The following IDO2 variants were observed in gnomAD, a reference collection of about 807,000 sequenced individuals.
IDO2 encodes indoleamine 2,3-dioxygenase-like 1 protein.
A neutral mutation model predicts 45.1 loss-of-function variants in IDO2; 46 were observed. That is an observed-to-expected ratio of 1.02 (90% CI 0.80 to 1.30). The LOEUF (loss-of-function observed/expected upper bound fraction) is 1.30. Among genes scored for constraint, IDO2 ranks in the 50% most tolerant of loss-of-function variants. The probability of loss-of-function intolerance (pLI) is 0.00; values close to 1 mark genes in which losing one functional copy is unlikely to be tolerated. For missense variants in IDO2, 544 were observed against 491.8 expected, an observed-to-expected ratio of 1.11 and a Z score of -1.00; for synonymous variants, 218 against 184.9, an observed-to-expected ratio of 1.18 and a Z score of -1.45.
At chr8:39,976,716 T>C (rs1309104995) in intron 3 of IDO2, among the ~76,000 whole-genome samples, 1 of 152,220 alleles carries the variant, frequency 6.6e-6, no homozygotes, top group Non-Finnish European at 1.5e-5. Flanking sequence ...AATCACATAT[T>C]TGGCCCTCCC....
intron 1 of IDO2, among the ~76,000 whole-genome samples, chr8:39,936,482 C>A (rs1207135026): frequency 6.6e-6 from 1 of 152,054 alleles, no homozygotes; most frequent in Admixed American, 6.6e-5. Context: ...AATCTAGTTT[C>A]TCAGAAAAAG....
intron 6 of IDO2, 177 bp downstream of exon 6, chr8:39,985,699 A>C: frequency 1.6e-6 from 1 of 609,040 alleles, no homozygotes; most frequent in Non-Finnish European, 2.9e-6. Context: ...AAAATTTAAC[A>C]GTGATTGCCT....
intron 2 of IDO2, among the ~76,000 whole-genome samples, chr8:39,960,241 C>A (rs1338638949): frequency 6.6e-6 from 1 of 152,138 alleles, no homozygotes; most frequent in Admixed American, 6.6e-5. Context: ...CACACCCACC[C>A]CTATCTCAAC....
At chr8:39,964,191 C>G (rs1808045975) in intron 3 of IDO2, among the ~76,000 whole-genome samples, 1 of 152,150 alleles carries the variant, frequency 6.6e-6, no homozygotes, top group African/African-American at 2.4e-5. Context: ...CCTGTAAATT[C>G]CACACAAGTG....
chr8:39,989,867 T>A, intron 8 of IDO2, 29 bp downstream of exon 8: 1 of 1,469,414 alleles, frequency 6.8e-7, no homozygotes, highest in Non-Finnish European at 9.3e-7. Flanking sequence ...TCCTGAAGGA[T>A]CCCCCAGGGG....
At chr8:39,985,727 G>C (rs776537323) in intron 6 of IDO2, 1 of 533,972 alleles carries the variant, frequency 1.9e-6, no homozygotes, top group Non-Finnish European at 3.3e-6. Flanking sequence ...GTATAGATAA[G>C]GGATTTTTTT....
rs551727256 is a variant in IDO2, at chr8:39,973,284, A to G, written c.196-5783A>G. Among the ~76,000 whole-genome samples the G allele has an allele frequency of 9.2e-5, 14 of 152,294 alleles. No homozygotes were observed. In the South Asian group the frequency reaches 2.9e-3, roughly 32 times the overall value. On this transcript the variant is annotated intron_variant, in intron 3 of 10. Transcript: ENST00000502986. ...AATACTACTTACATATGCCTATATAATGAGTTATATGTATTTATATATACA... is the reference window on the plus strand; with the variant it reads ...AATACTACTTACATATGCCTATATAGTGAGTTATATGTATTTATATATACA...
At chr8:40,004,448 T>A (rs1802184729) in intron 8 of IDO2, among the ~76,000 whole-genome samples, 1 of 152,120 alleles carries the variant, frequency 6.6e-6, no homozygotes. Flanking sequence ...GATAGATAAA[T>A]ACATAGATAG....
intron 1 of IDO2, among the ~76,000 whole-genome samples, chr8:39,947,640 C>A (rs1807758216): frequency 6.6e-6 from 1 of 152,140 alleles, no homozygotes; most frequent in South Asian, 2.1e-4. Context: ...CTGGACACAG[C>A]AGTAGGGTGG....
At chr8:39,973,900 C>A (rs759520231) in intron 3 of IDO2, among the ~76,000 whole-genome samples, 1 of 152,008 alleles carries the variant, frequency 6.6e-6, no homozygotes, top group Admixed American at 6.6e-5. Flanking sequence ...TGCCACCACG[C>A]CCAGCTAATT....
At chr8:39,994,322 A>C (rs1258651457) in intron 8 of IDO2, among the ~76,000 whole-genome samples, 1 of 149,876 alleles carries the variant, frequency 6.7e-6, no homozygotes, top group Admixed American at 6.7e-5. Flanking sequence ...CGATGGCGCC[A>C]TCTCGGTTCA....
intron 9 of IDO2, among the ~76,000 whole-genome samples, chr8:40,008,713 A>G (rs1802260382): frequency 6.6e-6 from 1 of 152,230 alleles, no homozygotes; most frequent in Non-Finnish European, 1.5e-5. Context: ...TGAACTATAT[A>G]TTCTGAAATC....
At chr8:39,988,594 T>C (rs1270287660) in intron 7 of IDO2, among the ~76,000 whole-genome samples, 3 of 152,084 alleles carry the variant, frequency 2.0e-5, no homozygotes, top group Non-Finnish European at 4.4e-5. Flanking sequence ...AATTTTTGTA[T>C]TTTTAGTAGA....
At chr8:40,012,364 T>C (rs569786352) in intron 9 of IDO2, among the ~76,000 whole-genome samples, 18 of 152,124 alleles carry the variant, frequency 1.2e-4, no homozygotes, top group African/African-American at 4.1e-4. Flanking sequence ...AAATTGCAAG[T>C]TTGGGGATCA....
chr8:40,011,576 G>C (rs988411944), intron 9 of IDO2, among the ~76,000 whole-genome samples: 23 of 152,132 alleles, frequency 1.5e-4, no homozygotes, highest in African/African-American at 4.6e-4. Context: ...GGAAATCTAA[G>C]GCTCAGAAAG....
At chr8:40,011,657 T>C (rs1336097447) in intron 9 of IDO2, among the ~76,000 whole-genome samples, 1 of 152,160 alleles carries the variant, frequency 6.6e-6, no homozygotes, top group African/African-American at 2.4e-5. Flanking sequence ...TATGATAAAA[T>C]GGCTAGTATT....
chr8:40,016,194 G>A (rs1212352657), exon 11 of IDO2: 5 of 397,688 alleles, frequency 1.3e-5, no homozygotes, highest in Admixed American at 4.4e-5. Flanking sequence ...GGGAACGGAT[G>A]AGACTTTCCA....
At chr8:39,939,125 G>A (rs753664372) in intron 1 of IDO2, among the ~76,000 whole-genome samples, 6 of 151,718 alleles carry the variant, frequency 4.0e-5, no homozygotes, top group African/African-American at 9.7e-5. Context: ...GGTGGCGGGC[G>A]CCTGCTACTC....
chr8:39,978,497 G>A (rs560043563), intron 3 of IDO2, among the ~76,000 whole-genome samples: 2 of 152,242 alleles, frequency 1.3e-5, no homozygotes, highest in East Asian at 3.9e-4. Flanking sequence ...GCGTCACAGT[G>A]ATGCTGTGTC....
Sources: gnomAD v4.1 joint callset for allele counts (sites outside exome capture counted in the v4.1 genomes callset) on GRCh38, gnomAD v4.1.1 for gene constraint, MANE v1.5 for transcripts, NCBI Gene and HGNC (gene_info 2026-07-23, HGNC 2026-07-21) for gene names.